The following MAP4K3 variants were observed in gnomAD, a reference collection of about 807,000 sequenced individuals.
MAP4K3 encodes MAPK/ERK kinase kinase kinase 3.
In MAP4K3, 94 loss-of-function variants were observed where a neutral mutation model predicts 143.5. The observed-to-expected ratio is 0.65, with a 90% CI of 0.55 to 0.78. The LOEUF is 0.78. Ranked by LOEUF, MAP4K3 falls within the 30% of genes least tolerant of loss-of-function variation. MAP4K3 has a pLI of 0.00. For synonymous variants in MAP4K3, 416 were observed against 347.2 expected (o/e 1.20, Z -2.20); for missense variants, 1,077 against 1,068.1 (o/e 1.01, Z -0.12).
chr2:39,251,300 GACA>G (rs879289569), intron 33 of MAP4K3, among the ~76,000 whole-genome samples: 10 of 152,132 alleles, frequency 6.6e-5, no homozygotes, highest in Admixed American at 5.9e-4. Flanking sequence ...TTGGTTTTAG[GACA>G]ACATGAGTAA....
rs764581509 is a variant in MAP4K3, at chr2:39,272,393, A to G, written c.1863T>C (p.Ala621=). The G allele has an allele frequency of 3.7e-6, 6 of 1,611,714 alleles. No homozygotes were observed. The highest frequency in any genetic ancestry group is 4.2e-6 in the Non-Finnish European group (5 of 1,178,276). The change falls in exon 26 of 34, where the codon GCT becomes GCC. Residue 621 remains alanine, a synonymous_variant. Transcript: ENST00000263881. ...GTAAATTATGGGAATAAAGCTGAGA[A>G]GCTTTACCTATAAAGAAAAACAGAT... ...NNCLLSISGK[A]SQLYSHNLPG...
intron 3 of MAP4K3, 47 bp from the exon 4 acceptor site, chr2:39,343,499 G>A (rs1242962602): frequency 3.4e-6 from 5 of 1,468,792 alleles, no homozygotes; most frequent in Non-Finnish European, 4.7e-6. Flanking sequence ...GATTAAAACT[G>A]TCTGTGTGAG....
At chr2:39,336,655 T>C (rs1664977563) in intron 6 of MAP4K3, among the ~76,000 whole-genome samples, 1 of 152,076 alleles carries the variant, frequency 6.6e-6, no homozygotes, top group Non-Finnish European at 1.5e-5. Context: ...TGCATTTTAC[T>C]AATCAATAAC....
intron 1 of MAP4K3, among the ~76,000 whole-genome samples, chr2:39,436,036 G>A (rs1400191377): frequency 1.3e-5 from 2 of 152,190 alleles, no homozygotes; most frequent in Admixed American, 6.5e-5. Flanking sequence ...CCAGTAAGAA[G>A]ATACACAACT....
chr2:39,372,775 T>C (rs2148574251), intron 2 of MAP4K3, among the ~76,000 whole-genome samples: 1 of 152,188 alleles, frequency 6.6e-6, no homozygotes, highest in South Asian at 2.1e-4. Flanking sequence ...TCTTACCATA[T>C]ACAAAAATCA....
In MAP4K3 at chr2:39,325,634, A is replaced by T; in HGVS notation, c.808-6T>A. 6.2e-7 allele frequency: 1 copy of T among 1,605,148 alleles called. No homozygotes were observed. The highest frequency in any genetic ancestry group is 1.7e-5 in the Admixed American group (1 of 59,978). On this transcript the variant is annotated splice_polypyrimidine_tract_variant and splice_region_variant and intron_variant, in intron 11 of 33. Transcript: ENST00000263881. The stretch of plus-strand genomic sequence containing the variant: ...TGTTGTGTTACAAAAGGATGCTATA[A>T]AAATTAAATACAATGCAGAACACTT...
chr2:39,260,972 T>C, intron 28 of MAP4K3, 195 bp from the exon 29 acceptor site: 2 of 496,966 alleles, frequency 4.0e-6, no homozygotes, highest in Admixed American at 3.7e-5. Context: ...TTTAAAGTTA[T>C]AATTACATGA....
At chr2:39,404,999 C>A (rs1297364398) in intron 1 of MAP4K3, among the ~76,000 whole-genome samples, 1 of 152,224 alleles carries the variant, frequency 6.6e-6, no homozygotes, top group Non-Finnish European at 1.5e-5. Flanking sequence ...AGGAACTCCT[C>A]AACCTGAAGG....
chr2:39,258,115 A>G (rs1202901279), intron 31 of MAP4K3, among the ~76,000 whole-genome samples: 1 of 152,036 alleles, frequency 6.6e-6, no homozygotes, highest in Non-Finnish European at 1.5e-5. Flanking sequence ...TATTTTTAGT[A>G]GACACGGGGT....
chr2:39,407,912 T>C (rs1024372650), intron 1 of MAP4K3, among the ~76,000 whole-genome samples: 1 of 152,030 alleles, frequency 6.6e-6, no homozygotes, highest in Non-Finnish European at 1.5e-5. Flanking sequence ...AAGTGCCCTA[T>C]TTTGGGAAAA....
chr2:39,414,862 GT>G (rs1482603298), intron 1 of MAP4K3, among the ~76,000 whole-genome samples: 1 of 151,168 alleles, frequency 6.6e-6, no homozygotes, highest in East Asian at 1.9e-4. Flanking sequence ...GGGCAACACA[GT>G]GAGACTCCAA....
chr2:39,406,906 T>C (rs1468402314), intron 1 of MAP4K3, among the ~76,000 whole-genome samples: 5 of 152,194 alleles, frequency 3.3e-5, no homozygotes, highest in Non-Finnish European at 5.9e-5. Context: ...CAATTGAGGC[T>C]AGCATTATTC....
intron 1 of MAP4K3, among the ~76,000 whole-genome samples, chr2:39,435,690 T>C (rs893934191): frequency 1.3e-5 from 2 of 152,222 alleles, no homozygotes; most frequent in Non-Finnish European, 2.9e-5. Flanking sequence ...TTAGGAAGAT[T>C]TGGAACCAAG....
At chr2:39,308,113 TA>T (rs1682784897) in intron 14 of MAP4K3, 108 bp from the exon 15 acceptor site, 4 of 671,606 alleles carry the variant, frequency 6.0e-6, no homozygotes, top group Non-Finnish European at 9.7e-6. Context: ...AATATAATTT[TA>T]TTAAGGCAAA....
chr2:39,403,620 G>A (rs1667013212), intron 1 of MAP4K3, among the ~76,000 whole-genome samples: 1 of 152,050 alleles, frequency 6.6e-6, no homozygotes, highest in Non-Finnish European at 1.5e-5. Flanking sequence ...ATGGGATGAA[G>A]TACTCTGCAG....
chr2:39,377,965 T>C, intron 2 of MAP4K3, 101 bp downstream of exon 2: 1 of 749,028 alleles, frequency 1.3e-6, no homozygotes, highest in South Asian at 1.6e-5. Context: ...TCCCAGATGT[T>C]GGGGAAAACA....
Position 39,378,090 on chromosome 2 carries a change from TTGC to T in MAP4K3, c.127_129del (p.Ala43del), listed in dbSNP as rs1666265689. 6.3e-7 allele frequency: 1 copy of T among 1,591,782 alleles called. No homozygotes were observed. The highest frequency in any genetic ancestry group is 8.6e-7 in the Non-Finnish European group (1 of 1,168,492). ...CCTGGTTCCAATTTTATTACTTTAA[TTGC>T]TGCTAATTCACCAGTGTTAACATTC... On this transcript the variant is annotated inframe_deletion, in exon 2 of 34. Coordinates refer to ENST00000263881, the MANE Select transcript of MAP4K3 (RefSeq NM_003618.4).
rs573973626 is a variant in MAP4K3 at position 39,352,542 on chromosome 2, T to A, written c.245+3707A>T. Among the ~76,000 whole-genome samples the A allele has an allele frequency of 2.5e-4, 38 of 152,326 alleles. No individual in the cohort carries two copies. The East Asian group carries it at 7.3e-3, about 29-fold the overall frequency. On this transcript the variant is annotated intron_variant, in intron 3 of 33. Coordinates refer to ENST00000263881, the MANE Select transcript of MAP4K3 (RefSeq NM_003618.4). ...GTTGTTTTATAAATACACAAACATA[T>A]ATATTCAGATACAAATACATACCAA...
intron 1 of MAP4K3, among the ~76,000 whole-genome samples, chr2:39,425,269 T>C (rs949677106): frequency 6.6e-6 from 1 of 152,102 alleles, no homozygotes; most frequent in African/African-American, 2.4e-5. Context: ...AAATTTGAAA[T>C]TATAGACTAA....
Sources: allele counts gnomAD v4.1 joint callset (sites outside exome capture counted in the v4.1 genomes callset), GRCh38; gene constraint gnomAD v4.1.1; transcripts MANE v1.5; gene names NCBI Gene and HGNC (gene_info 2026-07-23, HGNC 2026-07-21).